The following TXLNG variants were observed in gnomAD, a reference collection of about 807,000 sequenced individuals.
TXLNG encodes gamma-taxilin.
TXLNG carries 5 observed loss-of-function variants against 38.8 expected under a neutral mutation model. The observed-to-expected ratio is 0.13, with a 90% CI of 0.07 to 0.27. TXLNG has a LOEUF of 0.27. Among genes scored for constraint, TXLNG ranks in the 10% least tolerant of loss-of-function variants. TXLNG has a pLI of 1.00. For missense variants in TXLNG, 393 were observed against 398.2 expected, an observed-to-expected ratio of 0.99 and a Z score of 0.11; for synonymous variants, 182 against 158.2, an observed-to-expected ratio of 1.15 and a Z score of -1.13.
chrX:16,818,685 G>T lies in TXLNG; in HGVS notation c.214G>T (p.Gly72Cys). 8.3e-7 allele frequency: 1 copy of T among 1,211,719 alleles called. No homozygotes were observed. The highest frequency in any genetic ancestry group is 1.1e-6 in the Non-Finnish European group (1 of 895,555). Residue 72 changes from glycine to cysteine, a missense_variant, in exon 2 of 10, where the codon GGT (glycine) becomes TGT (cysteine). Gly to Cys is a radical substitution (Grantham distance 159). Transcript: ENST00000380122. ...TCTTCAACATCAAGGCTCAAATTGT[G>T]GTGGCACAAGTAACAAGCATTCATT... ...DILQHQGSNC[G>C]GTSNKHSLEE...
intron 1 of TXLNG, among the ~76,000 whole-genome samples, chrX:16,796,553 A>T (rs772056037): frequency 1.8e-5 from 2 of 112,227 alleles, no homozygotes; most frequent in Admixed American, 9.5e-5. Flanking sequence ...CAGAGCAATG[A>T]AGGTCAAGGG....
chrX:16,834,221 T>C, intron 6 of TXLNG, 62 bp from the exon 7 acceptor site: 2 of 966,199 alleles, frequency 2.1e-6, no homozygotes. Flanking sequence ...CTCTGATCAT[T>C]TGATATTTAG....
At chrX:16,831,111 T>C (rs937302833) in intron 5 of TXLNG, among the ~76,000 whole-genome samples, 1 of 111,792 alleles carries the variant, frequency 8.9e-6, no homozygotes, top group Non-Finnish European at 1.9e-5. Flanking sequence ...GATTTAAGTA[T>C]AACCATAATA....
intron 1 of TXLNG, among the ~76,000 whole-genome samples, chrX:16,794,457 G>A (rs974197100): frequency 1.8e-5 from 2 of 111,552 alleles, no homozygotes; most frequent in Non-Finnish European, 3.8e-5. Context: ...GGTATGCCAT[G>A]CTACAACTTC....
At chrX:16,808,056 A>G (rs60373331) in intron 1 of TXLNG, among the ~76,000 whole-genome samples, 3,613 of 111,720 alleles carry the variant, frequency 0.032, 169 homozygotes, top group African/African-American at 0.11. Context: ...TTATTGATAA[A>G]CTGGTGACCT....
intron 7 of TXLNG, among the ~76,000 whole-genome samples, chrX:16,836,777 C>T (rs920638316): frequency 8.9e-6 from 1 of 111,959 alleles, no homozygotes; most frequent in African/African-American, 3.2e-5. Flanking sequence ...GTGATCTTGC[C>T]CAAAATACTT....
At position 16,841,574 on chromosome X, in the gene TXLNG, C is replaced by G. The variant is rs1350181647; in HGVS notation, c.1395C>G (p.Ile465Met). ...LKEQVSIKAA[I>M]KAANRDLATP... ...AGCAGGTATCCATCAAAGCGGCCAT[C>G]AAAGCGGCGAACAGGGATTTAGCAA... Residue 465 changes from isoleucine (I) to methionine (M), a missense_variant, in exon 10 of 10, where the codon ATC (isoleucine) becomes ATG (methionine). Ile to Met is a conservative substitution (Grantham distance 10). Coordinates refer to ENST00000380122, the MANE Select transcript of TXLNG (RefSeq NM_018360.3). 1 of 1,211,641 alleles carries G rather than the reference C, an allele frequency of 8.3e-7. No individual in the cohort carries two copies.
intron 1 of TXLNG, among the ~76,000 whole-genome samples, chrX:16,807,713 A>G (rs1431293189): frequency 9.0e-6 from 1 of 111,020 alleles, no homozygotes; most frequent in African/African-American, 3.3e-5. Flanking sequence ...AATACACACA[A>G]CTTTTCCCAA....
In TXLNG at chrX:16,842,903, C is replaced by A. The variant is rs1410898449; in HGVS notation, c.*1137C>A. ...CTCACCCCCTTCTTAGTTACCATCTCTTTTTTAAGAAGAAAAAAGAAAAGC... is the reference window on the plus strand; with the variant it reads ...CTCACCCCCTTCTTAGTTACCATCTATTTTTTAAGAAGAAAAAAGAAAAGC... On this transcript the variant is annotated 3_prime_UTR_variant, in exon 10 of 10. Transcript: ENST00000380122. The A allele has an allele frequency of 8.9e-6, 1 of 111,882 alleles. No homozygotes were observed. Among genetic ancestry groups the A allele is most frequent in the East Asian group, 2.8e-4 (1 of 3,591 alleles). 9.2% of individuals were successfully genotyped at this position (111,882 alleles called of 1,213,427 possible). A position where few individuals can be genotyped will look rare whatever the true frequency, so the allele number is the denominator to read the frequency against.
chrX:16,836,299 G>C (rs1440338244), intron 7 of TXLNG, among the ~76,000 whole-genome samples: 1 of 112,065 alleles, frequency 8.9e-6, no homozygotes, highest in Admixed American at 9.4e-5. Flanking sequence ...ATGTCCCTCA[G>C]GCACTAATAC....
At chrX:16,840,038 G>A (rs549326814) in intron 9 of TXLNG, 122 bp downstream of exon 9, 10 of 501,379 alleles carry the variant, frequency 2.0e-5, no homozygotes, top group Admixed American at 8.0e-5. Context: ...ACTCCAGCCC[G>A]CGTTGGGGCG....
At position 16,843,467 on chromosome X, in the gene TXLNG, C is replaced by A. The variant is rs5969750; in HGVS notation, c.*1701C>A. 0.49 allele frequency: 53,607 copies of A among 110,383 alleles called. 9,803 individuals are homozygous for A. Among genetic ancestry groups the A allele is most frequent in the East Asian group, 0.85 (2,946 of 3,478 alleles). 9.1% of individuals were successfully genotyped at this position (110,383 alleles called of 1,213,427 possible). On this transcript the variant is annotated 3_prime_UTR_variant, in exon 10 of 10. Coordinates refer to ENST00000380122, the MANE Select transcript of TXLNG (RefSeq NM_018360.3). ...CAAAATGAGTCAGAAGCAAAAAACA[C>A]CACCCTCCAACAGCCTCTTAGGAGT...
chrX:16,820,285 A>G (rs202226761), intron 3 of TXLNG, 30 bp downstream of exon 3: 1 of 1,088,815 alleles, frequency 9.2e-7, no homozygotes, highest in African/African-American at 1.8e-5. Context: ...TGTGAGAGCC[A>G]TATAAAATAT....
intron 3 of TXLNG, among the ~76,000 whole-genome samples, chrX:16,824,127 C>CG (rs1929082980): frequency 8.9e-6 from 1 of 112,111 alleles, no homozygotes; most frequent in Non-Finnish European, 1.9e-5. Flanking sequence ...ATCTGCACTT[C>CG]AGGAGGCTGA....
intron 1 of TXLNG, among the ~76,000 whole-genome samples, chrX:16,800,094 C>T (rs180949339): frequency 1.8e-5 from 2 of 109,305 alleles, no homozygotes; most frequent in East Asian, 5.9e-4. Context: ...CATCTACCAC[C>T]ACGCCCGGCT....
At position 16,786,552 on chromosome X, in the gene TXLNG, C is replaced by T. The variant is rs772309587; in HGVS notation, c.65C>T (p.Ala22Val). The T allele has an allele frequency of 2.8e-6, 3 of 1,085,427 alleles. No homozygotes were observed. The highest frequency in any genetic ancestry group is 4.6e-5 in the South Asian group (2 of 43,251). The allele number at this position is 1,085,427 out of a possible 1,213,427, so 89.5% of individuals were successfully genotyped here. ...RGGGAEEATE[A>V]GRGGRRRSPR... ...GGCGGCGCCGAAGAGGCGACTGAGGCCGGACGGGGCGGACGGCGACGCAGC... is the reference window on the plus strand; with the variant it reads ...GGCGGCGCCGAAGAGGCGACTGAGGTCGGACGGGGCGGACGGCGACGCAGC... Residue 22 changes from alanine to valine, a missense_variant, in exon 1 of 10, where the codon GCC becomes GTC. Physicochemically the swap from Ala to Val is moderately conservative, Grantham distance 64. Coordinates refer to ENST00000380122, the MANE Select transcript of TXLNG (RefSeq NM_018360.3).
Position 16,841,717 on chromosome X carries a change from A to C in TXLNG, c.1538A>C (p.Gln513Pro), listed in dbSNP as rs777851488. The change falls in exon 10 of 10, where the codon CAA becomes CCA. Residue 513 changes from glutamine (Q) to proline (P), a missense_variant. By Grantham distance (76) the Gln-to-Pro change is moderately conservative. Transcript: ENST00000380122. ...CCCAAGAGTCAGAGAAGCGCTGTGC[A>C]AAAGCCCCCGTCCACAGGCTCTGCT... ...AEPKSQRSAV[Q>P]KPPSTGSAPA... 1.4e-5 allele frequency: 17 copies of C among 1,210,291 alleles called. No homozygotes were observed. Among genetic ancestry groups the C allele is most frequent in the Middle Eastern group, 2.3e-4 (1 of 4,348 alleles).
intron 1 of TXLNG, among the ~76,000 whole-genome samples, chrX:16,810,828 G>A (rs1471649254): frequency 5.4e-5 from 6 of 110,854 alleles, no homozygotes; most frequent in Non-Finnish European, 7.6e-5. Flanking sequence ...TTCCAGGCAC[G>A]TGCCACCATG....
intron 7 of TXLNG, among the ~76,000 whole-genome samples, chrX:16,836,030 G>T (rs752376470): frequency 8.9e-6 from 1 of 112,507 alleles, no homozygotes; most frequent in East Asian, 2.8e-4. Context: ...AGCCAAGGCG[G>T]GCGGATCGCT....
Sources: gnomAD v4.1 joint callset for allele counts (sites outside exome capture counted in the v4.1 genomes callset) on GRCh38, gnomAD v4.1.1 for gene constraint, MANE v1.5 for transcripts, NCBI Gene and HGNC (gene_info 2026-07-23, HGNC 2026-07-21) for gene names.